Variants in ETV3 observed in about 807,000 individuals in gnomAD.
The protein encoded by ETV3 is ETS translocation variant 3.
Under a neutral mutation model 33.0 loss-of-function variants are expected in ETV3, and 8 were observed. The ratio of observed to expected loss-of-function variants is 0.24; its 90% CI spans 0.14 to 0.44. The LOEUF (loss-of-function observed/expected upper bound fraction) is 0.44. ETV3 is among the 20% of genes least tolerant of loss of function. The pLI is 1.00. For synonymous variants in ETV3, 222 were observed against 238.9 expected, an observed-to-expected ratio of 0.93 and a Z score of 0.65; for missense variants, 473 against 652.3, an observed-to-expected ratio of 0.73 and a Z score of 2.99.
In ETV3 at chr1:157,135,661, A is replaced by C. The variant is rs762394656; in HGVS notation, c.94T>G (p.Ser32Ala). Residue 32 changes from serine (S) to alanine (A), a missense_variant, in exon 3 of 5, where the codon TCC becomes GCC. Ser to Ala is a moderately conservative substitution (Grantham distance 99). Transcript: ENST00000368192. Reference sequence around the variant, plus strand: ...AAGTGCCACAGCTGGATCTGCCGGGAGCCTGGGGATGACTCTGTTTTGTAG... The same window carrying C: ...AAGTGCCACAGCTGGATCTGCCGGGCGCCTGGGGATGACTCTGTTTTGTAG... ...WAYKTESSPG[S>A]RQIQLWHFIL... 1 of 1,614,208 alleles carries C rather than the reference A, an allele frequency of 6.2e-7. No homozygotes were observed. Among genetic ancestry groups the C allele is most frequent in the South Asian group, 1.1e-5 (1 of 91,088 alleles).
At position 157,124,675 on chromosome 1, in the gene ETV3, C is replaced by G. The variant is rs1674782861; in HGVS notation, c.*166G>C. The G allele has an allele frequency of 1.5e-6, 1 of 674,466 alleles. No homozygotes were observed. The highest frequency in any genetic ancestry group is 3.4e-5 in the Admixed American group (1 of 29,576). The allele number at this position is 674,466 out of a possible 1,614,324, so 41.8% of individuals were successfully genotyped here. ...GTGTGTTCATATCCCACCTAATTTA[C>G]AACAGAAGATAACCCCATCCCATCC... On this transcript the variant is annotated 3_prime_UTR_variant, in exon 5 of 5. Coordinates refer to ENST00000368192, the MANE Select transcript of ETV3 (RefSeq NM_001145312.3).
intron 4 of ETV3, among the ~76,000 whole-genome samples, chr1:157,126,619 T>C (rs1027131233): frequency 2.6e-5 from 4 of 152,382 alleles, no homozygotes; most frequent in African/African-American, 9.6e-5. Context: ...ATCCCATTTT[T>C]CCTTGTTGGA....
At chr1:157,137,322 C>A (rs910208019) in intron 1 of ETV3, among the ~76,000 whole-genome samples, 1 of 152,038 alleles carries the variant, frequency 6.6e-6, no homozygotes, top group Admixed American at 6.5e-5. Context: ...GGAGAGAATG[C>A]CTAAGTGGCC....
rs1455241197 is a variant in ETV3 at position 157,124,930 on chromosome 1, G to C, written c.1450C>G (p.Pro484Ala). Residue 484 changes from proline (P) to alanine (A), a missense_variant, in exon 5 of 5, where the codon CCT becomes GCT. Pro to Ala is a conservative substitution (Grantham distance 27). Transcript: ENST00000368192. Reference sequence around the variant, plus strand: ...CTCTTGCTCAGCTCTCGGGCTTCAGGGTCATCATTCCAGCGCCGCTTCAAC... The same window carrying C: ...CTCTTGCTCAGCTCTCGGGCTTCAGCGTCATCATTCCAGCGCCGCTTCAAC... ...LRLKRRWNDDPEARELSKSGK... is the reference protein window; with the variant it reads ...LRLKRRWNDDAEARELSKSGK... 1 of 1,551,616 alleles carries C rather than the reference G, an allele frequency of 6.4e-7. No individual in the cohort carries two copies. Among genetic ancestry groups the C allele is most frequent in the African/African-American group, 1.4e-5 (1 of 73,002 alleles).
chr1:157,125,159 CTCT>C lies in ETV3; in HGVS notation c.1218_1220del (p.Glu407del), dbSNP rs1215127712. The stretch of plus-strand genomic sequence containing the variant: ...CAATGGTCCTGCTTGGCACAGTGCC[CTCT>C]TCTTGAGTGTGCTCCTCCTTCTCTC... On this transcript the variant is annotated inframe_deletion, in exon 5 of 5. Coordinates refer to ENST00000368192, the MANE Select transcript of ETV3 (RefSeq NM_001145312.3). This position sits in a 1 kb window ranked among gnomAD's most constrained non-coding sequence, Gnocchi z 4.0. 6.4e-7 allele frequency: 1 copy of C among 1,551,822 alleles called. No individual in the cohort carries two copies. Among genetic ancestry groups the C allele is most frequent in the Non-Finnish European group, 8.7e-7 (1 of 1,146,978 alleles).
chr1:157,128,546 G>A (rs1674895903), intron 4 of ETV3: 4 of 256,836 alleles, frequency 1.6e-5, no homozygotes. Context: ...CCTGGGGAGA[G>A]GATACCGATG....
At chr1:157,133,849 C>T (rs1360426290) in intron 4 of ETV3, 6 of 1,257,786 alleles carry the variant, frequency 4.8e-6, no homozygotes, top group South Asian at 2.3e-5. Context: ...AACAAGATAG[C>T]GTAATAGTAT....
At chr1:157,137,300 T>C (rs1675137048) in intron 1 of ETV3, among the ~76,000 whole-genome samples, 1 of 152,052 alleles carries the variant, frequency 6.6e-6, no homozygotes, top group African/African-American at 2.4e-5. Flanking sequence ...GCATCCACAT[T>C]AGCAGGCATC....
Position 157,124,765 on chromosome 1 carries a change from C to CCCCCCCTAAA in ETV3, c.*75_*76insTTTAGGGGGG. ...CAAACCAGTTTAACTCCCTCCCCCC[C>CCCCCCCTAAA]ACCCTGAAATCTTGCTACATAAATA... On this transcript the variant is annotated 3_prime_UTR_variant, in exon 5 of 5. Transcript: ENST00000368192. 1 of 408,016 alleles carries CCCCCCCTAAA rather than the reference C, an allele frequency of 2.5e-6. No individual in the cohort carries two copies. The highest frequency in any genetic ancestry group is 7.1e-5 in the South Asian group (1 of 14,094). The allele number at this position is 408,016 out of a possible 1,614,324, so 25.3% of individuals were successfully genotyped here. A position where few individuals can be genotyped will look rare whatever the true frequency, so the allele number is the denominator to read the frequency against.
rs1674792944 is a variant in ETV3 at position 157,124,957 on chromosome 1, G to A, written c.1423C>T (p.Arg475Trp). Reference sequence around the variant, plus strand: ...TCATCATTCCAGCGCCGCTTCAACCGAAGCTTGGGGGGCATCAGTGCATCT... The same window carrying A: ...TCATCATTCCAGCGCCGCTTCAACCAAAGCTTGGGGGGCATCAGTGCATCT... ...KEDALMPPKL[R>W]LKRRWNDDPE... is the part of the protein sequence containing the mutation. Residue 475 changes from arginine (R) to tryptophan (W), a missense_variant, in exon 5 of 5, where the codon CGG (arginine) becomes TGG (tryptophan). Transcript: ENST00000368192. The A allele has an allele frequency of 1.9e-6, 3 of 1,551,802 alleles. No homozygotes were observed. Among genetic ancestry groups the A allele is most frequent in the African/African-American group, 1.4e-5 (1 of 73,140 alleles).
At chr1:157,133,731 A>C in intron 4 of ETV3, 1 of 1,006,450 alleles carries the variant, frequency 9.9e-7, no homozygotes, top group Non-Finnish European at 1.2e-6. Context: ...AGAAAATCGG[A>C]AGTGTTTGTA....
chr1:157,128,883 G>C (rs1674905717), intron 4 of ETV3, among the ~76,000 whole-genome samples: 1 of 152,226 alleles, frequency 6.6e-6, no homozygotes, highest in South Asian at 2.1e-4. Flanking sequence ...TTTAGTAAAT[G>C]CTATCTATCA....
At position 157,125,363 on chromosome 1, in the gene ETV3, T is replaced by G. The variant is rs1427938789; in HGVS notation, c.1017A>C (p.Ser339=). Residue 339 remains serine, a synonymous_variant, in exon 5 of 5, where the codon TCA becomes TCC. Transcript: ENST00000368192. The surrounding 1 kb of genome is among the most constrained non-coding windows in gnomAD (Gnocchi z 4.0). Reference sequence around the variant, plus strand: ...GCTGCAGCTTGATGGAGAACTGAGTTGACTCCTCAGGATGCATTTGGCACT... The same window carrying G: ...GCTGCAGCTTGATGGAGAACTGAGTGGACTCCTCAGGATGCATTTGGCACT... ...PLQCQMHPEE[S]TQFSIKLQPP... 6.4e-7 allele frequency: 1 copy of G among 1,551,894 alleles called. No individual in the cohort carries two copies. The highest frequency in any genetic ancestry group is 8.7e-7 in the Non-Finnish European group (1 of 1,147,072).
rs1437541418 is a variant in ETV3, at chr1:157,125,345, C to T, written c.1035G>A (p.Lys345=). 1.3e-6 allele frequency: 2 copies of T among 1,551,970 alleles called. No individual in the cohort carries two copies. Among genetic ancestry groups the T allele is most frequent in the Non-Finnish European group, 1.7e-6 (2 of 1,147,062 alleles). Residue 345 remains lysine (K), a synonymous_variant, in exon 5 of 5, where the codon AAG becomes AAA. Coordinates refer to ENST00000368192, the MANE Select transcript of ETV3 (RefSeq NM_001145312.3). The surrounding 1 kb of genome is among the most constrained non-coding windows in gnomAD (Gnocchi z 4.0). ...HPEESTQFSI[K]LQPPPVGRKN... is the part of the protein sequence containing the mutation. ...TCCGCCCAACTGGTGGGGGCTGCAG[C>T]TTGATGGAGAACTGAGTTGACTCCT... is the stretch of plus-strand genomic sequence containing the variant.
Position 157,124,597 on chromosome 1 carries a change from CCTT to C in ETV3, c.*241_*243del, listed in dbSNP as rs1332485565. The C allele has an allele frequency of 5.1e-6, 2 of 391,668 alleles. No homozygotes were observed. Among genetic ancestry groups the C allele is most frequent in the Non-Finnish European group, 9.1e-6 (2 of 220,964 alleles). The allele number at this position is 391,668 out of a possible 1,614,324, so 24.3% of individuals were successfully genotyped here. On this transcript the variant is annotated 3_prime_UTR_variant, in exon 5 of 5. Transcript: ENST00000368192. ...TAAGCCTCAACAGGAAATAGAGGCT[CCTT>C]CTCCTTTGAGTTCAATACCCTCCCT... is the stretch of plus-strand genomic sequence containing the variant.
At chr1:157,132,178 C>A (rs1461374382) in intron 4 of ETV3, among the ~76,000 whole-genome samples, 1 of 152,212 alleles carries the variant, frequency 6.6e-6, no homozygotes, top group Non-Finnish European at 1.5e-5. Context: ...GAACTCCTGA[C>A]CTCAAGTGAT....
Position 157,137,211 on chromosome 1 carries a change from A to AG in ETV3, c.-13-847dup, listed in dbSNP as rs527913790. ...GTTAATCACTTAGCAAAAAGGAGGGAGGGGTGAAACTGCCAGAGGGACATG... is the reference window on the plus strand; with the variant it reads ...GTTAATCACTTAGCAAAAAGGAGGGAGGGGGTGAAACTGCCAGAGGGACATG... On this transcript the variant is annotated intron_variant, in intron 1 of 4. Coordinates refer to ENST00000368192, the MANE Select transcript of ETV3 (RefSeq NM_001145312.3). Among the ~76,000 whole-genome samples, 286 of 152,058 alleles carry AG rather than the reference A, an allele frequency of 1.9e-3. 1 individual carries two copies. The highest frequency in any genetic ancestry group is 5.5e-3 in the African/African-American group (228 of 41,470).
At position 157,122,748 on chromosome 1, in the gene ETV3, T is replaced by G. The variant is rs946084331; in HGVS notation, c.*2093A>C. Reference sequence around the variant, plus strand: ...TCCCTCATTCACCTGCTGGGCTTGCTTTCTGATTCAGAGGTAAGTCGAAGT... The same window carrying G: ...TCCCTCATTCACCTGCTGGGCTTGCGTTCTGATTCAGAGGTAAGTCGAAGT... On this transcript the variant is annotated 3_prime_UTR_variant, in exon 5 of 5. Transcript: ENST00000368192. The G allele has an allele frequency of 6.6e-6, 1 of 152,246 alleles. No individual in the cohort carries two copies. Among genetic ancestry groups the G allele is most frequent in the Non-Finnish European group, 1.5e-5 (1 of 68,056 alleles). 9.4% of individuals were successfully genotyped at this position (152,246 alleles called of 1,614,324 possible). A position where few individuals can be genotyped will look rare whatever the true frequency, so the allele number is the denominator to read the frequency against.
intron 1 of ETV3, among the ~76,000 whole-genome samples, chr1:157,137,509 AACACACACAC>A (rs10567825): frequency 5.1e-4 from 74 of 145,086 alleles, no homozygotes; most frequent in Non-Finnish European, 6.9e-4. Flanking sequence ...GACAAGGAAA[AACACACACAC>A]ACACACACAC....
Sources: gnomAD v4.1 joint callset for allele counts (sites outside exome capture counted in the v4.1 genomes callset) on GRCh38, gnomAD v4.1.1 for gene constraint, Gnocchi (gnomAD v3.1) non-coding constraint, MANE v1.5 for transcripts, NCBI Gene and HGNC (gene_info 2026-07-23, HGNC 2026-07-21) for gene names.